Variants in ZNF676 observed in about 807,000 individuals in gnomAD.
ZNF676 encodes zinc finger protein 676.
Under a neutral mutation model 6.0 loss-of-function variants are expected in ZNF676, and 4 were observed. The ratio of observed to expected loss-of-function variants is 0.67; its 90% confidence interval spans 0.33 to 1.53. The LOEUF is 1.53. Ranked by LOEUF, ZNF676 falls within the 40% of genes most tolerant of loss-of-function variation. The probability of loss-of-function intolerance (pLI) is 0.06; values close to 1 mark genes in which losing one functional copy is unlikely to be tolerated. For synonymous variants in ZNF676, 198 were observed against 223.1 expected (o/e 0.89, Z 1.00); for missense variants, 644 against 679.7 (o/e 0.95, Z 0.58).
the ZNF676 span, among the ~76,000 whole-genome samples, chr19:22,256,253 C>T: frequency 2.6e-5 from 4 of 152,294 alleles, no homozygotes; most frequent in East Asian, 7.7e-4. Flanking sequence ...GACATGTAAC[C>T]TGTGAGTAGG....
the ZNF676 span, among the ~76,000 whole-genome samples, chr19:22,224,545 TA>T: frequency 1.3e-5 from 2 of 152,216 alleles, no homozygotes; most frequent in Admixed American, 6.5e-5. Context: ...TTGTGTTTAA[TA>T]ATGAATATAT....
the ZNF676 span, among the ~76,000 whole-genome samples, chr19:22,233,132 T>C: frequency 1.3e-5 from 2 of 152,152 alleles, no homozygotes; most frequent in African/African-American, 2.4e-5. Context: ...AAATTTAACA[T>C]ATATATTCAT....
upstream of ZNF676, among the ~76,000 whole-genome samples, chr19:22,199,291 G>C (rs984407493): frequency 6.6e-6 from 1 of 152,152 alleles, no homozygotes; most frequent in Admixed American, 6.6e-5. Flanking sequence ...AGAGAAATGA[G>C]GCAGAACACA....
chr19:22,202,421 C>T (rs1233832334), intron 1 of ZNF676, among the ~76,000 whole-genome samples: 1 of 152,180 alleles, frequency 6.6e-6, no homozygotes, highest in Non-Finnish European at 1.5e-5. Flanking sequence ...GTACAGCATG[C>T]ACTTCGCAGC....
At chr19:22,217,023 A>G (rs1280182049), upstream of ZNF676, among the ~76,000 whole-genome samples, 1 of 151,214 alleles carries the variant, frequency 6.6e-6, no homozygotes, top group African/African-American at 2.4e-5. Flanking sequence ...ATATTTCAAT[A>G]GTTTTGGGGT....
rs763400454 is a variant in ZNF676, at chr19:22,181,224, T to C, written c.493A>G (p.Arg165Gly). The C allele has an allele frequency of 3.7e-6, 6 of 1,613,522 alleles. No homozygotes were observed. Among genetic ancestry groups the C allele is most frequent in the East Asian group, 2.2e-5 (1 of 44,862 alleles). The change falls in exon 3 of 3, where the codon AGA (arginine) becomes GGA (glycine). Residue 165 changes from arginine (R) to glycine (G), a missense_variant. Arg to Gly is a moderately radical substitution (Grantham distance 125). Around this residue, in one of 5 missense-constraint regions of ZNF676, gnomAD observed 280 missense variants for 269.3 expected, o/e 1.04. Transcript: ENST00000397121. Reference sequence around the variant, plus strand: ...TCTTCACATTTGTAGGAATTCTCTCTAGTATAAATTCTTTCATGTTGAGAT... The same window carrying C: ...TCTTCACATTTGTAGGAATTCTCTCCAGTATAAATTCTTTCATGTTGAGAT... ...HLSQHERIYTRENSYKCEENG... is the reference protein window; with the variant it reads ...HLSQHERIYTGENSYKCEENG...
chr19:22,238,031 A>G, the ZNF676 span, among the ~76,000 whole-genome samples: 1 of 152,210 alleles, frequency 6.6e-6, no homozygotes, highest in South Asian at 2.1e-4. Context: ...TCTGAAGCCA[A>G]AAGATAGAAT....
At chr19:22,232,313 G>C in the ZNF676 span, among the ~76,000 whole-genome samples, 1 of 151,926 alleles carries the variant, frequency 6.6e-6, no homozygotes, top group Non-Finnish European at 1.5e-5. Context: ...GAGAACAGGC[G>C]TGCACTACCA....
At chr19:22,227,123 T>C in the ZNF676 span, among the ~76,000 whole-genome samples, 1 of 152,106 alleles carries the variant, frequency 6.6e-6, no homozygotes, top group Non-Finnish European at 1.5e-5. Context: ...AAAACACTCA[T>C]CAGCAAATGC....
the ZNF676 span, among the ~76,000 whole-genome samples, chr19:22,258,005 A>G: frequency 6.6e-6 from 1 of 152,268 alleles, no homozygotes; most frequent in Non-Finnish European, 1.5e-5. Flanking sequence ...TCCATTGTGG[A>G]CAGGACTGAA....
At chr19:22,235,094 AAGAAGGAAGTCAGGAAGGCAGGAAGGC>A in the ZNF676 span, among the ~76,000 whole-genome samples, 369 of 140,074 alleles carry the variant, frequency 2.6e-3, no homozygotes, top group African/African-American at 9.8e-3. Context: ...GGAAGGCAGG[AAGAAGGAAGTCAGGAAGGCAGGAAGGC>A]AGGAAGGAAG....
Position 22,181,325 on chromosome 19 carries a change from T to A in ZNF676, c.392A>T (p.His131Leu), listed in dbSNP as rs576145652. The change falls in exon 3 of 3, where the codon CAT becomes CTT. Residue 131 changes from histidine (H) to leucine (L), a missense_variant. Physicochemically the swap from His to Leu is moderately conservative, Grantham distance 99. Around this residue, in one of 5 missense-constraint regions of ZNF676, gnomAD observed 280 missense variants for 269.3 expected, o/e 1.04. Coordinates refer to ENST00000397121, the MANE Select transcript of ZNF676 (RefSeq NM_001001411.3). The part of the protein sequence containing the change: ...VFHKCSNSNR[H>L]KIRHTGEKGL... ...TTTCTCTCCAGTATGCCTTATCTTA[T>A]GTCTGTTTGAATTTGAACATTTATG... The A allele has an allele frequency of 6.2e-7, 1 of 1,613,802 alleles. No homozygotes were observed. Among genetic ancestry groups the A allele is most frequent in the Admixed American group, 1.7e-5 (1 of 60,002 alleles).
chr19:22,211,594 A>T (rs2024129824), intron 1 of ZNF676, among the ~76,000 whole-genome samples: 1 of 152,146 alleles, frequency 6.6e-6, no homozygotes, highest in Non-Finnish European at 1.5e-5. Context: ...TTTTGTATTA[A>T]AAATCATGAG....
the ZNF676 span, among the ~76,000 whole-genome samples, chr19:22,231,942 TG>T: frequency 5.3e-5 from 8 of 152,190 alleles, no homozygotes; most frequent in East Asian, 1.9e-4. Flanking sequence ...TTTTATAAAA[TG>T]TTTTTTTAAG....
intron 1 of ZNF676, among the ~76,000 whole-genome samples, 168 bp downstream of exon 1, chr19:22,196,432 G>A (rs2023967444): frequency 6.6e-6 from 1 of 152,048 alleles, no homozygotes; most frequent in Non-Finnish European, 1.5e-5. Flanking sequence ...AGAAGCTCAG[G>A]ACCCTTGTTC....
intron 2 of ZNF676, among the ~76,000 whole-genome samples, chr19:22,182,732 G>T (rs533639165): frequency 6.7e-6 from 1 of 149,034 alleles, no homozygotes; most frequent in East Asian, 1.9e-4. Flanking sequence ...CACTGCATAC[G>T]TCTTCCATAG....
intron 2 of ZNF676, among the ~76,000 whole-genome samples, chr19:22,190,192 T>A (rs867547015): frequency 6.6e-6 from 1 of 151,668 alleles, no homozygotes; most frequent in Non-Finnish European, 1.5e-5. Context: ...TATGCAGCCA[T>A]AAAAAAAATG....
At chr19:22,221,849 G>A in the ZNF676 span, among the ~76,000 whole-genome samples, 1 of 152,064 alleles carries the variant, frequency 6.6e-6, no homozygotes, top group Non-Finnish European at 1.5e-5. Context: ...TGCAGTTGTT[G>A]GGTAGAATAT....
At chr19:22,187,695 C>T (rs2023857238) in intron 2 of ZNF676, among the ~76,000 whole-genome samples, 1 of 151,970 alleles carries the variant, frequency 6.6e-6, no homozygotes, top group South Asian at 2.1e-4. Context: ...GACACCGCCA[C>T]TGATTCCACA....
Sources: allele counts gnomAD v4.1 joint callset (sites outside exome capture counted in the v4.1 genomes callset), GRCh38; gene constraint gnomAD v4.1.1; regional missense constraint gnomAD v4.1.1; transcripts MANE v1.5; gene names NCBI Gene and HGNC (gene_info 2026-07-23, HGNC 2026-07-21).